Variants in SESN3 observed in about 807,000 individuals in gnomAD.
SESN3 encodes the protein sestrin-3.
In SESN3, 21 loss-of-function variants were observed where a neutral mutation model predicts 55.3. The observed-to-expected ratio is 0.38, with a 90% CI of 0.27 to 0.55. The LOEUF is 0.55. SESN3 is among the 20% of genes least tolerant of loss of function. The pLI is 0.76. For synonymous variants in SESN3, 181 were observed against 203.1 expected, an observed-to-expected ratio of 0.89 and a Z score of 0.93; for missense variants, 408 against 604.3, an observed-to-expected ratio of 0.68 and a Z score of 3.41.
intron 1 of SESN3, among the ~76,000 whole-genome samples, chr11:95,216,504 A>G (rs1046999436): frequency 2.6e-5 from 4 of 152,224 alleles, no homozygotes; most frequent in Non-Finnish European, 5.9e-5. Flanking sequence ...GAAAAATGAA[A>G]TGCTTCAGCA....
At chr11:95,196,789 G>A (rs911746832) in intron 1 of SESN3, among the ~76,000 whole-genome samples, 3 of 152,170 alleles carry the variant, frequency 2.0e-5, no homozygotes, top group Admixed American at 6.5e-5. Flanking sequence ...CAGTTCTACC[G>A]GACAGTGCTG....
At chr11:95,176,319 G>A (rs567880764) in intron 8 of SESN3, among the ~76,000 whole-genome samples, 15 of 152,220 alleles carry the variant, frequency 9.9e-5, no homozygotes, top group South Asian at 8.3e-4. Flanking sequence ...GATTTGCTTC[G>A]CACGAAAGCA....
chr11:95,200,122 A>G (rs769107448), intron 1 of SESN3, among the ~76,000 whole-genome samples: 1 of 152,118 alleles, frequency 6.6e-6, no homozygotes, highest in Non-Finnish European at 1.5e-5. Flanking sequence ...TTTTATTGTT[A>G]TAGATGTTCC....
intron 1 of SESN3, among the ~76,000 whole-genome samples, chr11:95,202,316 T>C (rs957432654): frequency 7.9e-5 from 12 of 152,032 alleles, no homozygotes; most frequent in African/African-American, 2.9e-4. Flanking sequence ...TTCTCCTCCT[T>C]GAACAGAACA....
intron 1 of SESN3, among the ~76,000 whole-genome samples, chr11:95,223,176 C>G (rs1039864043): frequency 6.7e-6 from 1 of 149,152 alleles, no homozygotes; most frequent in African/African-American, 2.5e-5. Flanking sequence ...CCCCCGCAAA[C>G]CCACCACACA....
chr11:95,232,015 C>T (rs2134280520), upstream of SESN3: 1 of 152,334 alleles, frequency 6.6e-6, no homozygotes. Flanking sequence ...TTGTCCAGCA[C>T]TAAAAGGCCA....
At chr11:95,183,782 T>C (rs1253352312) in intron 6 of SESN3, among the ~76,000 whole-genome samples, 1 of 152,106 alleles carries the variant, frequency 6.6e-6, no homozygotes, top group Non-Finnish European at 1.5e-5. Context: ...CTATGTGGTG[T>C]TCAATATCTT....
chr11:95,223,349 A>C (rs546211906), intron 1 of SESN3, among the ~76,000 whole-genome samples: 41 of 152,286 alleles, frequency 2.7e-4, no homozygotes, highest in Non-Finnish European at 5.0e-4. Context: ...TTTCAAGCCA[A>C]ACAGACTAAC....
At chr11:95,181,037 T>C (rs2134222306) in intron 6 of SESN3, among the ~76,000 whole-genome samples, 1 of 152,200 alleles carries the variant, frequency 6.6e-6, no homozygotes, top group Non-Finnish European at 1.5e-5. Context: ...AAGTTTATGG[T>C]TTGCAAAGTA....
rs369604329 is a variant in SESN3, at chr11:95,228,410, C to A, written c.78+2373G>T. Among the ~76,000 whole-genome samples, 6 of 152,270 alleles carry A rather than the reference C, an allele frequency of 3.9e-5. No homozygotes were observed. In the East Asian group the frequency reaches 1.2e-3, roughly 29 times the overall value. ...TCCATTATGAATTAGACTGAACAAA[C>A]ATTCAAAATACTATGACTCACTTGG... On this transcript the variant is annotated intron_variant, in intron 1 of 9. Transcript: ENST00000536441.
chr11:95,212,357 T>G (rs947065860), intron 1 of SESN3, among the ~76,000 whole-genome samples: 6 of 152,114 alleles, frequency 3.9e-5, no homozygotes, highest in African/African-American at 7.2e-5. Flanking sequence ...CAGAGTAAGC[T>G]CTCTAAAACC....
chr11:95,181,456 T>C (rs1860057401), intron 6 of SESN3, among the ~76,000 whole-genome samples: 1 of 152,122 alleles, frequency 6.6e-6, no homozygotes, highest in Non-Finnish European at 1.5e-5. Flanking sequence ...ATTCTGATTA[T>C]TAAATCTAAA....
intron 1 of SESN3, among the ~76,000 whole-genome samples, chr11:95,216,932 CCTGTCTCTACTAAAAATA>C (rs1860769391): frequency 6.6e-6 from 1 of 151,424 alleles, no homozygotes; most frequent in African/African-American, 2.4e-5. Flanking sequence ...ATGGTGAAAC[CCTGTCTCTACTAAAAATA>C]CAAAAACTAG....
intron 1 of SESN3, among the ~76,000 whole-genome samples, chr11:95,203,020 G>A (rs745785115): frequency 6.6e-6 from 1 of 152,038 alleles, no homozygotes; most frequent in African/African-American, 2.4e-5. Flanking sequence ...TTACTCAGTC[G>A]ATGGTTGATA....
In SESN3 at chr11:95,171,152, G is replaced by A. The variant is rs1188773361; in HGVS notation, c.*2103C>T. 2 of 152,102 alleles carry A rather than the reference G, an allele frequency of 1.3e-5. No homozygotes were observed. The highest frequency in any genetic ancestry group is 6.6e-5 in the Admixed American group (1 of 15,266). The allele number at this position is 152,102 out of a possible 1,614,324, so 9.4% of individuals were successfully genotyped here. A position where few individuals can be genotyped will look rare whatever the true frequency, so the allele number is the denominator to read the frequency against. ...TAAAAAAACAAATTCAAGAATAAAT[G>A]ACATCCTCAACTTGAAAGTTGTGAA... On this transcript the variant is annotated 3_prime_UTR_variant, in exon 10 of 10. Coordinates refer to ENST00000536441, the MANE Select transcript of SESN3 (RefSeq NM_144665.4).
In SESN3 at chr11:95,175,602, C is replaced by G. The variant is rs1478953270; in HGVS notation, c.1288G>C (p.Glu430Gln). 3 of 1,612,992 alleles carry G rather than the reference C, an allele frequency of 1.9e-6. No individual in the cohort carries two copies. The highest frequency in any genetic ancestry group is 2.5e-6 in the Non-Finnish European group (3 of 1,179,190). Residue 430 changes from glutamate (E) to glutamine (Q), a missense_variant, in exon 9 of 10, where the codon GAA (glutamate) becomes CAA (glutamine). By Grantham distance (29) the Glu-to-Gln change is conservative. Around this residue, in one of 4 missense-constraint regions of SESN3, gnomAD observed 121 missense variants for 204.9 expected, o/e 0.59. Coordinates refer to ENST00000536441, the MANE Select transcript of SESN3 (RefSeq NM_144665.4). Reference sequence around the variant, plus strand: ...TTAATGTAAACCTTCAGGCTTCTTTCAAGTAATTGATTAACTTCTCCATAA... The same window carrying G: ...TTAATGTAAACCTTCAGGCTTCTTTGAAGTAATTGATTAACTTCTCCATAA... ...YDYGEVNQLL[E>Q]RSLKVYIKTV...
chr11:95,224,551 T>TA (rs1860915167), intron 1 of SESN3: 1 of 395,414 alleles, frequency 2.5e-6, no homozygotes, highest in Non-Finnish European at 4.9e-6. Context: ...AAATATTGGC[T>TA]CAATGAGTTA....
In SESN3 at chr11:95,189,940, A is replaced by T; in HGVS notation, c.364T>A (p.Ser122Thr). 1.2e-6 allele frequency: 2 copies of T among 1,607,544 alleles called. No homozygotes were observed. The highest frequency in any genetic ancestry group is 1.7e-6 in the Non-Finnish European group (2 of 1,177,234). ...TCCACATGCATGTTTATTAAGTAAG[A>T]ACACTGATGTCTAGCTGCAGCCTAA... Reference protein sequence around the residue: ...AIMAAARHQCSYLINMHVDEF... With the variant: ...AIMAAARHQCTYLINMHVDEF... Residue 122 changes from serine (S) to threonine (T), a missense_variant, in exon 4 of 10, where the codon TCT becomes ACT. Physicochemically the swap from Ser to Thr is moderately conservative, Grantham distance 58 (BLOSUM62 1). Around this residue, in one of 4 missense-constraint regions of SESN3, gnomAD observed 107 missense variants for 211.3 expected, o/e 0.51. Coordinates refer to ENST00000536441, the MANE Select transcript of SESN3 (RefSeq NM_144665.4).
At chr11:95,221,214 G>C (rs2134267080) in intron 1 of SESN3, among the ~76,000 whole-genome samples, 1 of 152,166 alleles carries the variant, frequency 6.6e-6, no homozygotes, top group African/African-American at 2.4e-5. Context: ...TGAGGCAGGA[G>C]AATCGCTTGA....
Sources: allele counts gnomAD v4.1 joint callset (sites outside exome capture counted in the v4.1 genomes callset), GRCh38; gene constraint gnomAD v4.1.1; regional missense constraint gnomAD v4.1.1; transcripts MANE v1.5; gene names NCBI Gene and HGNC (gene_info 2026-07-23, HGNC 2026-07-21).